NFIB: variants seen among roughly 807,000 people sequenced by gnomAD.
NFIB encodes nuclear factor 1 B-type.
Under a neutral mutation model 61.5 loss-of-function variants are expected in NFIB, and 11 were observed. That is an observed-to-expected ratio of 0.18 (90% confidence interval 0.11 to 0.30). The LOEUF (loss-of-function observed/expected upper bound fraction) is 0.30. Ranked by LOEUF, NFIB falls within the 10% of genes least tolerant of loss-of-function variation. NFIB has a pLI of 1.00. For missense variants in NFIB, 471 were observed against 608.9 expected (o/e 0.77, Z 2.38); for synonymous variants, 260 against 216.5 (o/e 1.20, Z -1.76).
At chr9:14,392,009 G>A (rs1395635231) in intron 1 of NFIB, among the ~76,000 whole-genome samples, 2 of 152,158 alleles carry the variant, frequency 1.3e-5, no homozygotes, top group African/African-American at 4.8e-5. Context: ...TGGATTCTCT[G>A]CTGGTAACAG....
chr9:14,368,253 G>C (rs2061324202), intron 1 of NFIB, among the ~76,000 whole-genome samples: 1 of 152,056 alleles, frequency 6.6e-6, no homozygotes, highest in Non-Finnish European at 1.5e-5. Flanking sequence ...AGGGAATGAA[G>C]AGGAAGATTT....
At chr9:14,146,887 T>G in intron 5 of NFIB, 80 bp from the exon 6 acceptor site, 1 of 1,558,856 alleles carries the variant, frequency 6.4e-7, no homozygotes, top group Non-Finnish European at 8.6e-7. Flanking sequence ...TCTGAGAAGA[T>G]CCTTACTGTG....
At chr9:14,161,381 G>A (rs997023418) in intron 3 of NFIB, among the ~76,000 whole-genome samples, 1 of 151,988 alleles carries the variant, frequency 6.6e-6, no homozygotes, top group Non-Finnish European at 1.5e-5. Flanking sequence ...AATATGAAAC[G>A]TAAACCCACG....
At chr9:14,454,739 C>G in the NFIB span, among the ~76,000 whole-genome samples, 1 of 152,274 alleles carries the variant, frequency 6.6e-6, no homozygotes, top group Non-Finnish European at 1.5e-5. Context: ...CTGCAGAATC[C>G]CTCTCTACCA....
At chr9:14,321,846 A>G in intron 1 of NFIB, 1 of 1,223,070 alleles carries the variant, frequency 8.2e-7, no homozygotes. Context: ...TTTGCAATCC[A>G]CAAACAGGAA....
Position 14,313,960 on chromosome 9 carries a change from G to C in NFIB, c.-449C>G. The C allele has an allele frequency of 1.9e-6, 2 of 1,062,036 alleles. No homozygotes were observed. The highest frequency in any genetic ancestry group is 2.3e-6 in the Non-Finnish European group (2 of 879,112). The allele number at this position is 1,062,036 out of a possible 1,614,324, so 65.8% of individuals were successfully genotyped here. ...TCAAAAAAGGCGGGGAGGGGGGCGC[G>C]GGAGGGCGCAGGAGGGCGAGCGGGC... On this transcript the variant is annotated 5_prime_UTR_variant, in exon 1 of 11. Coordinates refer to ENST00000380953, the MANE Select transcript of NFIB (RefSeq NM_001190737.2). This position sits in a 1 kb window ranked among gnomAD's most constrained non-coding sequence, Gnocchi z 4.5.
At chr9:14,220,849 A>ACCCC (rs1241339280) in intron 2 of NFIB, among the ~76,000 whole-genome samples, 7 of 106,538 alleles carry the variant, frequency 6.6e-5, no homozygotes, top group East Asian at 3.1e-4. Flanking sequence ...CCCTACACAC[A>ACCCC]CACACACACA....
chr9:14,455,469 G>A, the NFIB span, among the ~76,000 whole-genome samples: 1 of 152,166 alleles, frequency 6.6e-6, no homozygotes, highest in Non-Finnish European at 1.5e-5. Flanking sequence ...GATTTATCAA[G>A]GCTTTTAGTT....
chr9:14,425,471 T>C, the NFIB span, among the ~76,000 whole-genome samples: 361 of 152,266 alleles, frequency 2.4e-3, 4 homozygotes, highest in East Asian at 0.017. Flanking sequence ...AGCTGTGCAC[T>C]TGATGCCCTG....
At chr9:14,348,338 GA>G (rs5896629) in intron 1 of NFIB, among the ~76,000 whole-genome samples, 415 of 146,382 alleles carry the variant, frequency 2.8e-3, no homozygotes, top group Middle Eastern at 7.1e-3. Flanking sequence ...TACCGGGGGT[GA>G]AAAAAAAAAA....
At chr9:14,231,407 G>A (rs1305380802) in intron 2 of NFIB, among the ~76,000 whole-genome samples, 2 of 151,658 alleles carry the variant, frequency 1.3e-5, no homozygotes, top group Non-Finnish European at 2.9e-5. Context: ...ACTGTTCAAG[G>A]GTGACAGAGG....
the NFIB span, among the ~76,000 whole-genome samples, chr9:14,417,314 G>C: frequency 6.6e-6 from 1 of 152,140 alleles, no homozygotes; most frequent in Non-Finnish European, 1.5e-5. Context: ...TGTTGTACAG[G>C]TTTGCTGCCT....
chr9:14,167,111 T>A (rs1425334287), intron 3 of NFIB, among the ~76,000 whole-genome samples: 4 of 148,800 alleles, frequency 2.7e-5, no homozygotes, highest in Non-Finnish European at 6.0e-5. Flanking sequence ...CTTTTTAACA[T>A]ATTCAGTAAT....
intron 2 of NFIB, among the ~76,000 whole-genome samples, chr9:14,234,518 C>T (rs1233357051): frequency 2.0e-5 from 3 of 151,830 alleles, no homozygotes; most frequent in South Asian, 2.1e-4. Flanking sequence ...TACAGGCACG[C>T]ACCACCACGC....
intron 1 of NFIB, among the ~76,000 whole-genome samples, chr9:14,353,931 A>G (rs559471182): frequency 6.6e-6 from 1 of 151,226 alleles, no homozygotes; most frequent in Non-Finnish European, 1.5e-5. Context: ...TGCAGTGGAA[A>G]GTACGCTCAT....
chr9:14,243,601 G>C (rs2054569916), intron 2 of NFIB, among the ~76,000 whole-genome samples: 1 of 119,230 alleles, frequency 8.4e-6, no homozygotes, highest in Admixed American at 8.4e-5. Flanking sequence ...TTACCTAATT[G>C]GGTATTTTTT....
At chr9:14,116,618 T>C (rs2038186877) in intron 8 of NFIB, among the ~76,000 whole-genome samples, 1 of 152,260 alleles carries the variant, frequency 6.6e-6, no homozygotes, top group African/African-American at 2.4e-5. Context: ...GACTTGATCC[T>C]TTCATGTAGT....
At chr9:14,232,904 C>T (rs1354240318) in intron 2 of NFIB, among the ~76,000 whole-genome samples, 1 of 152,178 alleles carries the variant, frequency 6.6e-6, no homozygotes, top group Non-Finnish European at 1.5e-5. Flanking sequence ...CACCTATTTG[C>T]AGAGGTCTCT....
chr9:14,353,053 G>A (rs200225827), intron 1 of NFIB, among the ~76,000 whole-genome samples: 1 of 152,154 alleles, frequency 6.6e-6, no homozygotes, highest in African/African-American at 2.4e-5. Flanking sequence ...AGCTGGTGGG[G>A]TTACAAGGAG....
Sources: allele counts gnomAD v4.1 joint callset (sites outside exome capture counted in the v4.1 genomes callset), GRCh38; gene constraint gnomAD v4.1.1; non-coding constraint Gnocchi (gnomAD v3.1); transcripts MANE v1.5; gene names NCBI Gene and HGNC (gene_info 2026-07-23, HGNC 2026-07-21).